FANCG: variants seen among roughly 807,000 people sequenced by gnomAD.
FANCG encodes Fanconi anemia group G protein.
In FANCG, 67 loss-of-function variants were observed where a neutral mutation model predicts 73.3. That is an observed-to-expected ratio of 0.91 (90% CI 0.75 to 1.12). The LOEUF (loss-of-function observed/expected upper bound fraction) is 1.12. FANCG is among the 50% of genes most tolerant of loss of function. The pLI is 0.00. For missense variants in FANCG, 643 were observed against 735.6 expected, an observed-to-expected ratio of 0.87 and a Z score of 1.46; for synonymous variants, 297 against 311.6, an observed-to-expected ratio of 0.95 and a Z score of 0.49.
chr9:35,078,403 A>G, intron 3 of FANCG, 60 bp from the exon 4 acceptor site: 1 of 1,563,442 alleles, frequency 6.4e-7, no homozygotes, highest in Non-Finnish European at 8.8e-7. Flanking sequence ...CTCATCCTCC[A>G]TCTCCCCACA....
Position 35,074,473 on chromosome 9 carries a change from T to C in FANCG, c.1658A>G (p.His553Arg). Reference protein sequence around the residue: ...MCPGNRDTYFHLLQTLKRLDR... With the variant: ...MCPGNRDTYFRLLQTLKRLDR... ...TAGCCTCTTCAGAGTCTGAAGCAGG[T>C]GAAAGTAAGTGTCTCGATTACCTGT... is the stretch of plus-strand genomic sequence containing the variant. The change falls in exon 13 of 14, where the codon CAC (histidine) becomes CGC (arginine). Residue 553 changes from histidine to arginine, a missense_variant. Physicochemically the swap from His to Arg is conservative, Grantham distance 29. Coordinates refer to ENST00000378643, the MANE Select transcript of FANCG (RefSeq NM_004629.2). 2 of 1,614,058 alleles carry C rather than the reference T, an allele frequency of 1.2e-6. No individual in the cohort carries two copies. Among genetic ancestry groups the C allele is most frequent in the Non-Finnish European group, 1.7e-6 (2 of 1,180,016 alleles).
At position 35,075,068 on chromosome 9, in the gene FANCG, A is replaced by C. The variant is rs776600147; in HGVS notation, c.1495T>G (p.Cys499Gly). The change falls in exon 12 of 14, where the codon TGT becomes GGT. Residue 499 changes from cysteine (C) to glycine (G), a missense_variant. Coordinates refer to ENST00000378643, the MANE Select transcript of FANCG (RefSeq NM_004629.2). Reference protein sequence around the residue: ...EEKEQGAAFNCEQGCKSDAAL... With the variant: ...EEKEQGAAFNGEQGCKSDAAL... ...GCATCTGACTTACATCCCTGCTCAC[A>C]GTTGAAAGCTGCCCCTGGGGACCAC... is the stretch of plus-strand genomic sequence containing the variant. The C allele has an allele frequency of 8.1e-6, 13 of 1,614,000 alleles. No individual in the cohort carries two copies. Among genetic ancestry groups the C allele is most frequent in the Non-Finnish European group, 1.1e-5 (13 of 1,180,038 alleles).
intron 8 of FANCG, 184 bp from the exon 9 acceptor site, chr9:35,076,212 G>A (rs1829079952): frequency 1.3e-6 from 1 of 798,022 alleles, no homozygotes. Flanking sequence ...AGAATGGACT[G>A]GGGAAGAGAC....
rs907275407 is a variant in FANCG, at chr9:35,079,780, T to C, written c.-256A>G. On this transcript the variant is annotated 5_prime_UTR_variant, in exon 1 of 14. Coordinates refer to ENST00000378643, the MANE Select transcript of FANCG (RefSeq NM_004629.2). Reference sequence around the variant, plus strand: ...CGAAGCTCTGGGCTGCGGTTGGTCCTCTTGAAGAGTTAGTTCCCGCGGGAA... The same window carrying C: ...CGAAGCTCTGGGCTGCGGTTGGTCCCCTTGAAGAGTTAGTTCCCGCGGGAA... 1.8e-6 allele frequency: 1 copy of C among 554,644 alleles called. No homozygotes were observed. Among genetic ancestry groups the C allele is most frequent in the African/African-American group, 1.9e-5 (1 of 53,040 alleles). 34.4% of individuals were successfully genotyped at this position (554,644 alleles called of 1,614,324 possible). A position where few individuals can be genotyped will look rare whatever the true frequency, so the allele number is the denominator to read the frequency against.
chr9:35,078,366 T>G, intron 3 of FANCG, 23 bp from the exon 4 acceptor site: 1 of 1,604,184 alleles, frequency 6.2e-7, no homozygotes, highest in South Asian at 1.1e-5. Context: ...CACACACACA[T>G]AGACACACAC....
Position 35,078,654 on chromosome 9 carries a change from C to G in FANCG, c.258G>C (p.Gln86His), listed in dbSNP as rs757131225. 6.2e-7 allele frequency: 1 copy of G among 1,614,190 alleles called. No homozygotes were observed. Among genetic ancestry groups the G allele is most frequent in the South Asian group, 1.1e-5 (1 of 91,084 alleles). ...NFIILRASLA[Q>H]GFTEDQAQDI... is the part of the protein sequence containing the mutation. ...CCTGGGCCTGATCCTCTGTGAAACC[C>G]TGGGCCAAGCTTGCCCTCAGGATAA... Residue 86 changes from glutamine to histidine, a missense_variant, in exon 3 of 14, where the codon CAG becomes CAC. Physicochemically the swap from Gln to His is conservative, Grantham distance 24. Coordinates refer to ENST00000378643, the MANE Select transcript of FANCG (RefSeq NM_004629.2).
In FANCG at chr9:35,079,654, C is replaced by CG. The variant is rs1829147538; in HGVS notation, c.-131dup. ...CCCCGCCGAGCTCCCCTGCTTCTCT[C>CG]GGGGTCCCAATCCACCCGCCCAGGC... On this transcript the variant is annotated 5_prime_UTR_variant, in exon 1 of 14. Coordinates refer to ENST00000378643, the MANE Select transcript of FANCG (RefSeq NM_004629.2). 1.1e-6 allele frequency: 1 copy of CG among 895,860 alleles called. No homozygotes were observed. Among genetic ancestry groups the CG allele is most frequent in the Non-Finnish European group, 1.8e-6 (1 of 553,678 alleles). 55.5% of individuals were successfully genotyped at this position (895,860 alleles called of 1,614,324 possible).
Position 35,076,956 on chromosome 9 carries a change from TAG to T in FANCG, c.777+13_777+14del, listed in dbSNP as rs760538078. ...TGCTTGTGGTTTCCCCAATCCACCC[TAG>T]GACTGTCTTTACCATCTTACGGTGA... On this transcript the variant is annotated intron_variant, in intron 6 of 13. Transcript: ENST00000378643. 3 of 1,614,132 alleles carry T rather than the reference TAG, an allele frequency of 1.9e-6. No individual in the cohort carries two copies. The highest frequency in any genetic ancestry group is 2.5e-6 in the Non-Finnish European group (3 of 1,180,012).
chr9:35,077,439 C>T (rs1829107123), intron 4 of FANCG, 40 bp from the exon 5 acceptor site: 2 of 1,613,572 alleles, frequency 1.2e-6, no homozygotes, highest in Admixed American at 1.7e-5. Flanking sequence ...AAGCCTACAA[C>T]CTCCTCGTCT....
chr9:35,078,285 C>G lies in FANCG; in HGVS notation c.366G>C (p.Trp122Cys), dbSNP rs546023787. 266 of 1,614,050 alleles carry G rather than the reference C, an allele frequency of 1.6e-4. 4 individuals carry two copies. In the South Asian group the frequency reaches 1.9e-3, roughly 12 times the overall value. Residue 122 changes from tryptophan to cysteine, a missense_variant, in exon 4 of 14, where the codon TGG (tryptophan) becomes TGC (cysteine). Physicochemically the swap from Trp to Cys is radical, Grantham distance 215. Transcript: ENST00000378643. ...GGCAGGAAGCACGAAGGACAGAGTC[C>G]CACAGCTCCCTGAGCCCCTGTTCCA... The part of the protein sequence containing the change: ...PRLEQGLREL[W>C]DSVLRASCLL...
Position 35,074,361 on chromosome 9 carries a change from T to C in FANCG, c.1760+10A>G, listed in dbSNP as rs2131051679. 6.2e-7 allele frequency: 1 copy of C among 1,614,144 alleles called. No individual in the cohort carries two copies. The highest frequency in any genetic ancestry group is 8.5e-7 in the Non-Finnish European group (1 of 1,179,982). ...CCCCTCAGCCCCAAGCCAGCAGGCCTGAGCCTCACCACAGAGCATCTTCAT... is the reference window on the plus strand; with the variant it reads ...CCCCTCAGCCCCAAGCCAGCAGGCCCGAGCCTCACCACAGAGCATCTTCAT... On this transcript the variant is annotated intron_variant, in intron 13 of 13. Coordinates refer to ENST00000378643, the MANE Select transcript of FANCG (RefSeq NM_004629.2).
In FANCG at chr9:35,079,167, G is replaced by A; in HGVS notation, c.159C>T (p.Leu53=). 6.2e-7 allele frequency: 1 copy of A among 1,607,472 alleles called. No homozygotes were observed. Among genetic ancestry groups the A allele is most frequent in the Non-Finnish European group, 8.5e-7 (1 of 1,177,152 alleles). The part of the protein sequence containing the change: ...AQDALEGLRG[L]LHSLQGLPAA... Reference sequence around the variant, plus strand: ...CCCGCCTACCTTGCAGACTATGGAGGAGCCCTCTGAGCCCTTCCAGTGCAT... The same window carrying A: ...CCCGCCTACCTTGCAGACTATGGAGAAGCCCTCTGAGCCCTTCCAGTGCAT... The change falls in exon 2 of 14, where the codon CTC becomes CTT. Residue 53 remains leucine, a synonymous_variant. Coordinates refer to ENST00000378643, the MANE Select transcript of FANCG (RefSeq NM_004629.2).
At chr9:35,076,932 G>C (rs1241289587) in intron 6 of FANCG, 39 bp downstream of exon 6, 3 of 1,614,078 alleles carry the variant, frequency 1.9e-6, no homozygotes, top group Non-Finnish European at 2.5e-6. Context: ...TATACATAAT[G>C]CTTGTGGTTT....
chr9:35,076,451 T>C lies in FANCG; in HGVS notation c.1057A>G (p.Arg353Gly). ...CCTCACCTCCCCGTCTGTAGGCACCTGCTTGCTAGTATGTGCTTGGTCTGG... is the reference window on the plus strand; with the variant it reads ...CCTCACCTCCCCGTCTGTAGGCACCCGCTTGCTAGTATGTGCTTGGTCTGG... ...QSQTKHILAS[R>G]CLQTGRAGDA... The change falls in exon 8 of 14, where the codon AGG becomes GGG. Residue 353 changes from arginine (R) to glycine (G), a missense_variant. Arg to Gly is a moderately radical substitution (Grantham distance 125, BLOSUM62 -2). Transcript: ENST00000378643. 6.2e-7 allele frequency: 1 copy of C among 1,614,096 alleles called. No individual in the cohort carries two copies.
Position 35,077,235 on chromosome 9 carries a change from A to G in FANCG, c.646+29T>C, listed in dbSNP as rs755514478. 9.3e-6 allele frequency: 15 copies of G among 1,614,106 alleles called. No homozygotes were observed. In the East Asian group the frequency reaches 3.3e-4, roughly 36 times the overall value. Reference sequence around the variant, plus strand: ...TGAGTCTGGAGGACCACTTAAAGGTAGAAGAGATGAGTCAGGTTGCTAGCT... The same window carrying G: ...TGAGTCTGGAGGACCACTTAAAGGTGGAAGAGATGAGTCAGGTTGCTAGCT... On this transcript the variant is annotated intron_variant, in intron 5 of 13. Coordinates refer to ENST00000378643, the MANE Select transcript of FANCG (RefSeq NM_004629.2).
chr9:35,076,154 AG>A (rs1213021175), intron 8 of FANCG, 126 bp from the exon 9 acceptor site: 5 of 1,052,488 alleles, frequency 4.8e-6, no homozygotes, highest in Non-Finnish European at 7.4e-6. Context: ...AAGGGAGGGA[AG>A]GTCTTAGGGC....
rs1554670511 is a variant in FANCG at position 35,078,735 on chromosome 9, C to T, written c.177G>A (p.Gly59=). Reference sequence around the variant, plus strand: ...GAAGAACAGGAACAGCTGCAGGGAGCCCTGGAGCAACAATGTTGGTCTTAC... The same window carrying T: ...GAAGAACAGGAACAGCTGCAGGGAGTCCTGGAGCAACAATGTTGGTCTTAC... The part of the protein sequence containing the change: ...GLRGLLHSLQ[G]LPAAVPVLPL... The change falls in exon 3 of 14, where the codon GGG becomes GGA. Residue 59 remains glycine (G), a splice_region_variant and synonymous_variant. Coordinates refer to ENST00000378643, the MANE Select transcript of FANCG (RefSeq NM_004629.2). 6.2e-7 allele frequency: 1 copy of T among 1,614,122 alleles called. No homozygotes were observed. Among genetic ancestry groups the T allele is most frequent in the Non-Finnish European group, 8.5e-7 (1 of 1,180,028 alleles).
At chr9:35,077,435 A>G in intron 4 of FANCG, 36 bp from the exon 5 acceptor site, 1 of 1,613,822 alleles carries the variant, frequency 6.2e-7, no homozygotes, top group Middle Eastern at 1.6e-4. Context: ...CTCCAAGCCT[A>G]CAACCTCCTC....
chr9:35,079,800 C>T lies in FANCG; in HGVS notation c.-276G>A, dbSNP rs1445799529. On this transcript the variant is annotated 5_prime_UTR_variant, in exon 1 of 14. Transcript: ENST00000378643. ...GGTCCTCTTGAAGAGTTAGTTCCCG[C>T]GGGAAACTCGGGGAGGAAACGAGTC... The T allele has an allele frequency of 9.7e-6, 5 of 517,212 alleles. No individual in the cohort carries two copies. Among genetic ancestry groups the T allele is most frequent in the African/African-American group, 1.9e-5 (1 of 52,510 alleles). The allele number at this position is 517,212 out of a possible 1,614,324, so 32.0% of individuals were successfully genotyped here. A position where few individuals can be genotyped will look rare whatever the true frequency, so the allele number is the denominator to read the frequency against.
Sources: gnomAD v4.1 joint callset for allele counts on GRCh38, gnomAD v4.1.1 for gene constraint, MANE v1.5 for transcripts, NCBI Gene and HGNC (gene_info 2026-07-23, HGNC 2026-07-21) for gene names.